The following SPIDR variants were observed in gnomAD, a reference collection of about 807,000 sequenced individuals.
SPIDR encodes DNA repair-scaffolding protein.
In SPIDR, 93 loss-of-function variants were observed where a neutral mutation model predicts 104.6. The ratio of observed to expected loss-of-function variants is 0.89; its 90% confidence interval spans 0.75 to 1.06. The LOEUF (loss-of-function observed/expected upper bound fraction) is 1.06, where lower values mean the gene tolerates loss of function less well. SPIDR is among the 50% of genes least tolerant of loss of function. The probability of loss-of-function intolerance (pLI) is 0.00; values close to 1 mark genes in which losing one functional copy is unlikely to be tolerated. For synonymous variants in SPIDR, 431 were observed against 416.9 expected, an observed-to-expected ratio of 1.03 and a Z score of -0.41; for missense variants, 1,154 against 1,111.2, an observed-to-expected ratio of 1.04 and a Z score of -0.55.
intron 5 of SPIDR, among the ~76,000 whole-genome samples, chr8:47,299,485 A>G (rs1376895883): frequency 3.9e-5 from 6 of 152,024 alleles, no homozygotes; most frequent in Admixed American, 6.5e-5. Context: ...TTCCAACACT[A>G]TGTTGAATAG....
chr8:47,365,402 A>G (rs1563752139), intron 5 of SPIDR, among the ~76,000 whole-genome samples: 1 of 152,202 alleles, frequency 6.6e-6, no homozygotes, highest in Admixed American at 6.5e-5. Context: ...AAGTTCCACA[A>G]CTGCTCAGGA....
intron 10 of SPIDR, among the ~76,000 whole-genome samples, chr8:47,662,125 C>G (rs2074216967): frequency 6.6e-6 from 1 of 152,208 alleles, no homozygotes. Context: ...TCCCGCATCC[C>G]TTACTCACAA....
At chr8:47,519,777 C>A (rs767743216) in intron 8 of SPIDR, among the ~76,000 whole-genome samples, 6 of 151,958 alleles carry the variant, frequency 3.9e-5, no homozygotes, top group Non-Finnish European at 8.8e-5. Context: ...AGAGCAAGAC[C>A]CTGCCTCAAC....
chr8:47,374,751 T>C (rs1366240097), intron 5 of SPIDR, among the ~76,000 whole-genome samples: 1 of 152,188 alleles, frequency 6.6e-6, no homozygotes, highest in Non-Finnish European at 1.5e-5. Context: ...GTTTCAAGAA[T>C]GTGATTTTAA....
chr8:47,645,885 A>G (rs754200122), intron 10 of SPIDR, among the ~76,000 whole-genome samples: 2 of 152,218 alleles, frequency 1.3e-5, no homozygotes, highest in Non-Finnish European at 2.9e-5. Context: ...TGAAATCGTA[A>G]AAGTTCTAGA....
intron 8 of SPIDR, among the ~76,000 whole-genome samples, chr8:47,445,658 GCTTCTTGTGCCAGTTAGA>G (rs1266726895): frequency 6.6e-6 from 1 of 152,130 alleles, no homozygotes; most frequent in Non-Finnish European, 1.5e-5. Context: ...TGCCAGTTAG[GCTTCTTGTGCCAGTTAGA>G]CAAGTTATGA....
intron 8 of SPIDR, among the ~76,000 whole-genome samples, chr8:47,492,550 G>T (rs1254779594): frequency 6.6e-6 from 1 of 152,112 alleles, no homozygotes; most frequent in Non-Finnish European, 1.5e-5. Flanking sequence ...TGACTCTTTG[G>T]TTCCTTTTCT....
At position 47,721,202 on chromosome 8, in the gene SPIDR, C is replaced by T. The variant is rs543872375; in HGVS notation, c.2342-5998C>T. On this transcript the variant is annotated intron_variant, in intron 16 of 19. Transcript: ENST00000297423. ...AAACCCATGATCATCTAGATTTTCTCCTGTTTTCTTTCTAGGAGTTTCGTG... is the reference window on the plus strand; with the variant it reads ...AAACCCATGATCATCTAGATTTTCTTCTGTTTTCTTTCTAGGAGTTTCGTG... Among the ~76,000 whole-genome samples, 92 of 152,278 alleles carry T rather than the reference C, an allele frequency of 6.0e-4. 1 individual carries two copies. The highest frequency in any genetic ancestry group is 1.2e-3 in the Admixed American group (18 of 15,276).
chr8:47,490,350 A>G (rs1366688417), intron 8 of SPIDR, among the ~76,000 whole-genome samples: 1 of 152,204 alleles, frequency 6.6e-6, no homozygotes, highest in Non-Finnish European at 1.5e-5. Flanking sequence ...AGGAAACAAC[A>G]GGTGCTGGAG....
chr8:47,554,525 T>A (rs1587685310), intron 8 of SPIDR, among the ~76,000 whole-genome samples: 1 of 152,220 alleles, frequency 6.6e-6, no homozygotes. Flanking sequence ...TGAGCTAGGC[T>A]CCGTGGGCAT....
intron 19 of SPIDR, 140 bp from the exon 20 acceptor site, chr8:47,735,167 A>C: frequency 1.4e-6 from 1 of 730,080 alleles, no homozygotes; most frequent in South Asian, 1.7e-5. Context: ...CCTTCCTACC[A>C]CTGTTCTCAG....
At chr8:47,390,344 A>G (rs547464797) in intron 5 of SPIDR, among the ~76,000 whole-genome samples, 1 of 152,130 alleles carries the variant, frequency 6.6e-6, no homozygotes, top group Admixed American at 6.5e-5. Context: ...TTAATGTGAA[A>G]ATTTACAAAA....
intron 1 of SPIDR, 122 bp downstream of exon 1, chr8:47,261,113 C>G (rs897493915): frequency 9.0e-7 from 1 of 1,105,344 alleles, no homozygotes; most frequent in East Asian, 3.4e-5. Context: ...GGGTGAAGGG[C>G]TAGGTGGTGG....
At chr8:47,496,877 T>C (rs895915306) in intron 8 of SPIDR, among the ~76,000 whole-genome samples, 1 of 152,122 alleles carries the variant, frequency 6.6e-6, no homozygotes, top group Non-Finnish European at 1.5e-5. Context: ...TTAATTTCTT[T>C]ATTTGTAATA....
intron 14 of SPIDR, among the ~76,000 whole-genome samples, chr8:47,711,789 A>G (rs1023177613): frequency 1.3e-5 from 2 of 152,238 alleles, no homozygotes; most frequent in African/African-American, 4.8e-5. Flanking sequence ...CTTCTCCAAC[A>G]GTAAGAAGCT....
At chr8:47,383,037 C>G (rs971420223) in intron 5 of SPIDR, among the ~76,000 whole-genome samples, 40 of 152,274 alleles carry the variant, frequency 2.6e-4, no homozygotes, top group African/African-American at 9.1e-4. Flanking sequence ...TGTGGTGAGG[C>G]AAAGCTGTAG....
intron 10 of SPIDR, among the ~76,000 whole-genome samples, chr8:47,664,021 G>A (rs2074516675): frequency 6.6e-6 from 1 of 152,146 alleles, no homozygotes; most frequent in African/African-American, 2.4e-5. Flanking sequence ...AAGTGAGAAC[G>A]GCAAGTGTGT....
chr8:47,490,314 G>A (rs1564122358), intron 8 of SPIDR, among the ~76,000 whole-genome samples: 1 of 152,170 alleles, frequency 6.6e-6, no homozygotes, highest in African/African-American at 2.4e-5. Flanking sequence ...TGTCACACCA[G>A]TTAGAATGGC....
At chr8:47,271,521 A>G (rs893249320) in intron 1 of SPIDR, among the ~76,000 whole-genome samples, 15 of 151,960 alleles carry the variant, frequency 9.9e-5, no homozygotes, top group South Asian at 4.2e-4. Context: ...TCTTCATTTC[A>G]GTTACTATAG....
Sources: allele counts gnomAD v4.1 joint callset (sites outside exome capture counted in the v4.1 genomes callset), GRCh38; gene constraint gnomAD v4.1.1; transcripts MANE v1.5; gene names NCBI Gene and HGNC (gene_info 2026-07-23, HGNC 2026-07-21).